FAM193A: variants seen among roughly 807,000 people sequenced by gnomAD.
The protein encoded by FAM193A is family with sequence similarity 193 member A, also known as protein FAM193A.
FAM193A carries 22 observed loss-of-function variants against 126.5 expected under a neutral mutation model. The observed-to-expected ratio is 0.17, with a 90% CI of 0.12 to 0.25. The LOEUF (loss-of-function observed/expected upper bound fraction) is 0.25, where lower values mean the gene tolerates loss of function less well. FAM193A is among the 10% of genes least tolerant of loss of function. The probability of loss-of-function intolerance (pLI) is 1.00; values close to 1 mark genes in which losing one functional copy is unlikely to be tolerated. For synonymous variants in FAM193A, 761 were observed against 646.8 expected, an observed-to-expected ratio of 1.18 and a Z score of -2.68; for missense variants, 1,675 against 1,672.8, an observed-to-expected ratio of 1.00 and a Z score of -0.02.
rs1340162550 is a variant in FAM193A at position 2,628,076 on chromosome 4, AG to A, written c.803+1502del. On this transcript the variant is annotated intron_variant, in intron 4 of 20. Transcript: ENST00000637812. Reference sequence around the variant, plus strand: ...TAATTTTTGTATTTTTAGTAGAGACAGGGTTCATCATCTTGGCCAGGCTGGC... The same window carrying A: ...TAATTTTTGTATTTTTAGTAGAGACAGGTTCATCATCTTGGCCAGGCTGGC... Among the ~76,000 whole-genome samples the A allele has an allele frequency of 3.3e-5, 5 of 151,978 alleles. No homozygotes were observed. In the South Asian group the frequency reaches 6.2e-4, roughly 19 times the overall value.
At chr4:2,589,304 G>T (rs910092903) in intron 1 of FAM193A, among the ~76,000 whole-genome samples, 1 of 152,064 alleles carries the variant, frequency 6.6e-6, no homozygotes, top group Admixed American at 6.5e-5. Context: ...AGAACCACTG[G>T]CCATTTAATA....
chr4:2,646,159 CTTTTTTTTTTTT>C lies in FAM193A; in HGVS notation c.1164-509_1164-498del, dbSNP rs568447182. Among the ~76,000 whole-genome samples, 15 of 69,120 alleles carry C rather than the reference CTTTTTTTTTTTT, an allele frequency of 2.2e-4. No individual in the cohort carries two copies. In the East Asian group the frequency reaches 5.4e-3, roughly 25 times the overall value. The allele number at this position is 69,120 out of a possible 152,430, so 45.3% of individuals were successfully genotyped here. A position where few individuals can be genotyped will look rare whatever the true frequency, so the allele number is the denominator to read the frequency against. ...AAGCTGTTGTTTCTTTGAGCATCTC[CTTTTTTTTTTTT>C]TTTTTTTTTTTTTTTTGAGACAGAT... On this transcript the variant is annotated intron_variant, in intron 6 of 20. Coordinates refer to ENST00000637812, the MANE Select transcript of FAM193A (RefSeq NM_001366318.2).
In FAM193A at chr4:2,590,476, CAAAAAA is replaced by C. The variant is rs754091956; in HGVS notation, c.256-5604_256-5599del. On this transcript the variant is annotated intron_variant, in intron 1 of 20. Transcript: ENST00000637812. ...GAGACTCCATCTCAAAAAAAAAAAA[CAAAAAA>C]AAACAAAAAAAAACAAAAAAAAACA... Among the ~76,000 whole-genome samples the C allele has an allele frequency of 4.4e-3, 179 of 40,494 alleles. 25 individuals carry two copies. Among genetic ancestry groups the C allele is most frequent in the African/African-American group, 0.028 (169 of 5,948 alleles). 26.6% of individuals were successfully genotyped at this position (40,494 alleles called of 152,430 possible).
chr4:2,640,887 C>T (rs1336627677), intron 6 of FAM193A, among the ~76,000 whole-genome samples: 1 of 151,330 alleles, frequency 6.6e-6, no homozygotes, highest in Non-Finnish European at 1.5e-5. Context: ...ATTGCTTGAA[C>T]CCCAGAGGCA....
intron 1 of FAM193A, among the ~76,000 whole-genome samples, chr4:2,557,104 A>G (rs183769662): frequency 5.2e-4 from 79 of 152,342 alleles, no homozygotes; most frequent in African/African-American, 1.8e-3. Context: ...TACCATAGGT[A>G]AAGCTTAATT....
intron 1 of FAM193A, among the ~76,000 whole-genome samples, chr4:2,550,417 C>T (rs907374713): frequency 1.3e-5 from 2 of 151,494 alleles, no homozygotes; most frequent in Non-Finnish European, 2.9e-5. Flanking sequence ...TAGAATGAAC[C>T]CCTCTTGGTC....
intron 17 of FAM193A, chr4:2,696,140 T>A: frequency 2.1e-6 from 1 of 469,462 alleles, no homozygotes; most frequent in Non-Finnish European, 3.8e-6. Context: ...TTTATCAGGT[T>A]TTTCATGAAT....
intron 1 of FAM193A, among the ~76,000 whole-genome samples, chr4:2,544,175 C>T (rs1174197865): frequency 6.6e-6 from 1 of 152,100 alleles, no homozygotes; most frequent in Non-Finnish European, 1.5e-5. Flanking sequence ...AAATGGTTAC[C>T]ATACACGCTT....
intron 18 of FAM193A, among the ~76,000 whole-genome samples, chr4:2,699,318 C>T (rs1717396455): frequency 6.6e-6 from 1 of 152,096 alleles, no homozygotes; most frequent in Admixed American, 6.5e-5. Flanking sequence ...GCATGATGCC[C>T]TGCCGCACCT....
At chr4:2,554,968 T>C (rs554085601) in intron 1 of FAM193A, among the ~76,000 whole-genome samples, 17 of 152,354 alleles carry the variant, frequency 1.1e-4, no homozygotes, top group African/African-American at 3.8e-4. Context: ...TTATTTGAAA[T>C]GAATTTCCTG....
intron 2 of FAM193A, among the ~76,000 whole-genome samples, chr4:2,613,717 G>A (rs1742018417): frequency 6.6e-6 from 1 of 150,430 alleles, no homozygotes; most frequent in African/African-American, 2.5e-5. Flanking sequence ...GCCTCCCAAA[G>A]TGCTGGGATT....
chr4:2,686,009 C>T (rs965056852), intron 13 of FAM193A, among the ~76,000 whole-genome samples: 2 of 152,140 alleles, frequency 1.3e-5, no homozygotes, highest in Non-Finnish European at 2.9e-5. Context: ...GCGTAGTCCA[C>T]GTTCTGAGAG....
intron 20 of FAM193A, among the ~76,000 whole-genome samples, chr4:2,716,464 C>T (rs549006575): frequency 5.9e-5 from 9 of 152,264 alleles, no homozygotes; most frequent in African/African-American, 1.7e-4. Context: ...TTAGACCTGT[C>T]GGATCAGATT....
intron 19 of FAM193A, among the ~76,000 whole-genome samples, chr4:2,709,161 A>G (rs924994685): frequency 2.0e-5 from 3 of 152,152 alleles, no homozygotes; most frequent in Admixed American, 6.6e-5. Flanking sequence ...TGTGGAGATA[A>G]CCATGATGTT....
At chr4:2,577,646 T>G (rs1004170507) in intron 1 of FAM193A, among the ~76,000 whole-genome samples, 2 of 152,116 alleles carry the variant, frequency 1.3e-5, no homozygotes, top group Non-Finnish European at 2.9e-5. Flanking sequence ...CTTGAACTCC[T>G]GACCTCAAGT....
chr4:2,694,569 A>T (rs1307774911), intron 16 of FAM193A, among the ~76,000 whole-genome samples: 1 of 152,026 alleles, frequency 6.6e-6, no homozygotes. Flanking sequence ...ACCTGGCCAG[A>T]CTTTCTTTTT....
Position 2,583,025 on chromosome 4 carries a change from G to A in FAM193A, c.256-13059G>A, listed in dbSNP as rs528191130. ...CTCTTGTCTCCCAGGCTGGAGTGCA[G>A]TGGCACGATCTCAGCTCACTGCAAC... is the stretch of plus-strand genomic sequence containing the variant. On this transcript the variant is annotated intron_variant, in intron 1 of 20. Transcript: ENST00000637812. Among the ~76,000 whole-genome samples, 15 of 152,298 alleles carry A rather than the reference G, an allele frequency of 9.8e-5. No individual in the cohort carries two copies. In the South Asian group the frequency reaches 2.5e-3, roughly 25 times the overall value.
At chr4:2,599,079 C>G (rs1282094980) in intron 2 of FAM193A, among the ~76,000 whole-genome samples, 2 of 152,202 alleles carry the variant, frequency 1.3e-5, no homozygotes, top group Non-Finnish European at 2.9e-5. Context: ...TTTCCTTCCT[C>G]TCTGCTAGTG....
chr4:2,543,846 C>A, intron 1 of FAM193A, among the ~76,000 whole-genome samples: 1 of 82,712 alleles, frequency 1.2e-5, no homozygotes. Context: ...CTTCAGCCTG[C>A]ACAAAAGAAT....
Sources: gnomAD v4.1 joint callset for allele counts (sites outside exome capture counted in the v4.1 genomes callset) on GRCh38, gnomAD v4.1.1 for gene constraint, MANE v1.5 for transcripts, NCBI Gene and HGNC (gene_info 2026-07-23, HGNC 2026-07-21) for gene names.